The following RCBTB1 variants were observed in gnomAD, a reference collection of about 807,000 sequenced individuals.
RCBTB1 encodes RCC1 and BTB domain containing protein 1, also known as RCC1 and BTB domain-containing protein 1.
A neutral mutation model predicts 62.4 loss-of-function variants in RCBTB1; 46 were observed. The ratio of observed to expected loss-of-function variants is 0.74; its 90% CI spans 0.58 to 0.94. The LOEUF (loss-of-function observed/expected upper bound fraction) is 0.94. Ranked by LOEUF, RCBTB1 falls within the 40% of genes least tolerant of loss-of-function variation. RCBTB1 has a pLI of 0.00. For missense variants in RCBTB1, 565 were observed against 654.9 expected (o/e 0.86, Z 1.50); for synonymous variants, 222 against 245.8 (o/e 0.90, Z 0.91).
Position 49,549,529 on chromosome 13 carries a change from T to C in RCBTB1, c.974A>G (p.His325Arg), listed in dbSNP as rs1345298784. The change falls in exon 9 of 13, where the codon CAC becomes CGC. Residue 325 changes from histidine to arginine, a missense_variant. Transcript: ENST00000378302. ...GQSVILPHLT[H>R]FSCTDDVFAC... ...AAACACGTCGTCGGTGCAGGAGAAGTGGGTGAGGTGCGGGAGGATCACGGA... is the reference window on the plus strand; with the variant it reads ...AAACACGTCGTCGGTGCAGGAGAAGCGGGTGAGGTGCGGGAGGATCACGGA... 2 of 1,613,708 alleles carry C rather than the reference T, an allele frequency of 1.2e-6. No homozygotes were observed. Among genetic ancestry groups the C allele is most frequent in the African/African-American group, 2.7e-5 (2 of 74,804 alleles).
intron 12 of RCBTB1, among the ~76,000 whole-genome samples, chr13:49,538,816 T>C (rs1960121579): frequency 6.6e-6 from 1 of 151,644 alleles, no homozygotes; most frequent in Non-Finnish European, 1.5e-5. Context: ...GTCTTTCTTT[T>C]TGTCTTCTTT....
rs1960297517 is a variant in RCBTB1, at chr13:49,540,868, T to G, written c.1455+8A>C. ...GGTGGTCTGGTTTCTGTTTGTTGTT[T>G]AAGTTACCTCTGCATCATATCTGAC... On this transcript the variant is annotated splice_region_variant and intron_variant, in intron 12 of 12. Transcript: ENST00000378302. The G allele has an allele frequency of 6.2e-7, 1 of 1,611,240 alleles. No individual in the cohort carries two copies. Among genetic ancestry groups the G allele is most frequent in the Non-Finnish European group, 8.5e-7 (1 of 1,179,188 alleles).
intron 9 of RCBTB1, chr13:49,546,336 A>G (rs1566222149): frequency 1.0e-6 from 1 of 985,274 alleles, no homozygotes; most frequent in African/African-American, 1.7e-5. Flanking sequence ...TGAGAGGGAA[A>G]AAACACTTTT....
At chr13:49,569,438 A>G (rs9562902) in intron 2 of RCBTB1, among the ~76,000 whole-genome samples, 33,852 of 151,752 alleles carry the variant, frequency 0.22, 4,661 homozygotes, top group East Asian at 0.55. Flanking sequence ...AAGGCCAGGC[A>G]CGGTAGCTCA....
intron 9 of RCBTB1, among the ~76,000 whole-genome samples, chr13:49,545,854 A>C (rs9568244): frequency 0.028 from 4,242 of 152,178 alleles, 113 homozygotes; most frequent in East Asian, 0.1. Context: ...TAGAGGAGGG[A>C]CAACAGCTAA....
Position 49,567,135 on chromosome 13 carries a change from G to C in RCBTB1, c.126+19C>G, listed in dbSNP as rs756593798. On this transcript the variant is annotated intron_variant, in intron 3 of 12. Transcript: ENST00000378302. Reference sequence around the variant, plus strand: ...CCAAATAAGTCCTAAAACGAAACTAGGTTTCAAGAGACTCTTACCTCATCA... The same window carrying C: ...CCAAATAAGTCCTAAAACGAAACTACGTTTCAAGAGACTCTTACCTCATCA... 17 of 1,612,180 alleles carry C rather than the reference G, an allele frequency of 1.1e-5. No individual in the cohort carries two copies. Among genetic ancestry groups the C allele is most frequent in the Non-Finnish European group, 1.2e-5 (14 of 1,178,934 alleles).
At chr13:49,558,202 A>T (rs960279667) in intron 5 of RCBTB1, among the ~76,000 whole-genome samples, 1 of 152,160 alleles carries the variant, frequency 6.6e-6, no homozygotes, top group African/African-American at 2.4e-5. Context: ...TCTAAGCTGT[A>T]TACATGTCTC....
At chr13:49,569,344 C>T (rs1450781854) in intron 2 of RCBTB1, among the ~76,000 whole-genome samples, 1 of 152,004 alleles carries the variant, frequency 6.6e-6, no homozygotes, top group Non-Finnish European at 1.5e-5. Context: ...GAGCCCAAGC[C>T]GGAAGGACTG....
At chr13:49,572,241 C>T (rs987800507) in intron 2 of RCBTB1, among the ~76,000 whole-genome samples, 1 of 151,152 alleles carries the variant, frequency 6.6e-6, no homozygotes, top group Non-Finnish European at 1.5e-5. Context: ...GTGGAAGGAT[C>T]GTTTGAACCT....
chr13:49,547,057 A>C (rs1960844616), intron 9 of RCBTB1: 1 of 1,257,986 alleles, frequency 7.9e-7, no homozygotes, highest in Non-Finnish European at 1.0e-6. Context: ...GTTAAGTAGT[A>C]TATACAAATC....
intron 2 of RCBTB1, among the ~76,000 whole-genome samples, chr13:49,573,811 C>G (rs929773222): frequency 5.5e-5 from 7 of 127,376 alleles, no homozygotes; most frequent in African/African-American, 2.1e-4. Flanking sequence ...TGAGACAGAG[C>G]CTCGCTCTGT....
intron 10 of RCBTB1, among the ~76,000 whole-genome samples, 178 bp downstream of exon 10, chr13:49,544,559 C>T (rs1960650669): frequency 1.3e-5 from 2 of 152,162 alleles, no homozygotes; most frequent in Admixed American, 6.5e-5. Flanking sequence ...TTCTAAAACG[C>T]TCCATGAGTG....
intron 1 of RCBTB1, 74 bp from the exon 2 acceptor site, chr13:49,580,658 G>C (rs1312658928): frequency 1.3e-5 from 2 of 152,150 alleles, no homozygotes; most frequent in Non-Finnish European, 2.9e-5. Flanking sequence ...GGCTGGAATT[G>C]GTGGGTCAAA....
chr13:49,568,242 A>G (rs1467077480), intron 2 of RCBTB1, among the ~76,000 whole-genome samples: 1 of 152,220 alleles, frequency 6.6e-6, no homozygotes, highest in Non-Finnish European at 1.5e-5. Context: ...TTTCTTTCCA[A>G]TGGTACTATG....
At chr13:49,559,452 C>T (rs113743888) in intron 5 of RCBTB1, among the ~76,000 whole-genome samples, 5,873 of 152,060 alleles carry the variant, frequency 0.039, 151 homozygotes, top group Non-Finnish European at 0.064. Context: ...GTCAGGAGAT[C>T]GAGACCATCC....
intron 10 of RCBTB1, among the ~76,000 whole-genome samples, chr13:49,544,333 G>C (rs899903903): frequency 6.6e-6 from 1 of 152,102 alleles, no homozygotes; most frequent in Non-Finnish European, 1.5e-5. Flanking sequence ...GCCAGGCATG[G>C]TGGCGCCTGC....
intron 6 of RCBTB1, among the ~76,000 whole-genome samples, chr13:49,553,918 C>T (rs1361173004): frequency 6.6e-6 from 1 of 152,190 alleles, no homozygotes; most frequent in African/African-American, 2.4e-5. Flanking sequence ...TACAAAGATA[C>T]ACATACACAG....
At chr13:49,551,736 TA>T (rs1257117268) in intron 7 of RCBTB1, among the ~76,000 whole-genome samples, 1 of 152,048 alleles carries the variant, frequency 6.6e-6, no homozygotes, top group African/African-American at 2.4e-5. Flanking sequence ...CCGTCTCTAC[TA>T]AAAATACAAA....
At chr13:49,539,807 C>T (rs1465373076) in intron 12 of RCBTB1, among the ~76,000 whole-genome samples, 1 of 152,108 alleles carries the variant, frequency 6.6e-6, no homozygotes, top group Non-Finnish European at 1.5e-5. Flanking sequence ...TACATTTGAC[C>T]TTATCAAATA....
Sources: gnomAD v4.1 joint callset for allele counts (sites outside exome capture counted in the v4.1 genomes callset) on GRCh38, gnomAD v4.1.1 for gene constraint, MANE v1.5 for transcripts, NCBI Gene and HGNC (gene_info 2026-07-23, HGNC 2026-07-21) for gene names.